SPATS2L: variants seen among roughly 807,000 people sequenced by gnomAD.
SPATS2L encodes the protein SPATS2-like protein.
Under a neutral mutation model 59.6 loss-of-function variants are expected in SPATS2L, and 30 were observed. The observed-to-expected ratio is 0.50, with a 90% CI of 0.38 to 0.68. The LOEUF is 0.68. Among genes scored for constraint, SPATS2L ranks in the 30% least tolerant of loss-of-function variants. The pLI is 0.00. For missense variants in SPATS2L, 615 were observed against 700.0 expected, an observed-to-expected ratio of 0.88 and a Z score of 1.37; for synonymous variants, 252 against 263.5, an observed-to-expected ratio of 0.96 and a Z score of 0.42.
At chr2:200,366,096 G>A (rs1056909025) in intron 2 of SPATS2L, among the ~76,000 whole-genome samples, 3 of 152,210 alleles carry the variant, frequency 2.0e-5, no homozygotes, top group Admixed American at 6.5e-5. Flanking sequence ...TTGTTGAGAT[G>A]CTAAGGAGTT....
intron 2 of SPATS2L, among the ~76,000 whole-genome samples, chr2:200,351,731 A>G (rs1001142426): frequency 6.6e-6 from 1 of 152,052 alleles, no homozygotes; most frequent in Non-Finnish European, 1.5e-5. Context: ...TGATGCAACT[A>G]TAAATCAACC....
At chr2:200,312,461 T>G (rs1043738223) in intron 1 of SPATS2L, among the ~76,000 whole-genome samples, 3 of 152,224 alleles carry the variant, frequency 2.0e-5, no homozygotes, top group Non-Finnish European at 4.4e-5. Context: ...AATACAGATT[T>G]TGGGTCAATA....
chr2:200,397,896 G>A (rs1159147123), intron 3 of SPATS2L, among the ~76,000 whole-genome samples: 3 of 152,082 alleles, frequency 2.0e-5, no homozygotes, highest in Non-Finnish European at 4.4e-5. Flanking sequence ...AAGATGAGAT[G>A]GGATTAAAAG....
At chr2:200,388,620 C>T (rs1004135629) in intron 2 of SPATS2L, among the ~76,000 whole-genome samples, 1 of 149,960 alleles carries the variant, frequency 6.7e-6, no homozygotes, top group African/African-American at 2.5e-5. Flanking sequence ...ATGCCCCCCC[C>T]CCACCCAGAA....
At chr2:200,315,750 G>A (rs1052443383) in intron 1 of SPATS2L, among the ~76,000 whole-genome samples, 3 of 151,382 alleles carry the variant, frequency 2.0e-5, no homozygotes, top group South Asian at 2.1e-4. Context: ...GGCTTTGAGG[G>A]AAGGGCATAC....
Position 200,470,006 on chromosome 2 carries a change from C to G in SPATS2L, c.1050C>G (p.Leu350=), listed in dbSNP as rs765628436. The G allele has an allele frequency of 6.2e-7, 1 of 1,608,436 alleles. No homozygotes were observed. Reference sequence around the variant, plus strand: ...AACAGCTGAAGGCCCAAATCATGCTCTGCGGAGAAAGTGAGTTTTGCATAT... The same window carrying G: ...AACAGCTGAAGGCCCAAATCATGCTGTGCGGAGAAAGTGAGTTTTGCATAT... The part of the protein sequence containing the change: ...DIEQLKAQIM[L]CGEITHPKNN... Residue 350 remains leucine (L), a synonymous_variant, in exon 11 of 13, where the codon CTC becomes CTG. Transcript: ENST00000409140.
chr2:200,369,688 G>A lies in SPATS2L; in HGVS notation c.-22-19535G>A, dbSNP rs573555001. Among the ~76,000 whole-genome samples, 162 of 152,028 alleles carry A rather than the reference G, an allele frequency of 1.1e-3. 1 individual carries two copies. The highest frequency in any genetic ancestry group is 3.8e-3 in the African/African-American group (156 of 41,496). On this transcript the variant is annotated intron_variant, in intron 2 of 12. Transcript: ENST00000409140. ...AAACAACCAAAGACATAAAAAGCTG[G>A]TAAGAAACAATCCTACAGAAAATAA...
intron 1 of SPATS2L, among the ~76,000 whole-genome samples, chr2:200,310,754 A>G (rs1465780048): frequency 6.6e-6 from 1 of 152,180 alleles, no homozygotes; most frequent in Non-Finnish European, 1.5e-5. Flanking sequence ...TGTTCCTACT[A>G]GTTGGATCTC....
At chr2:200,321,548 T>A (rs1049652727) in intron 1 of SPATS2L, among the ~76,000 whole-genome samples, 65 of 152,238 alleles carry the variant, frequency 4.3e-4, no homozygotes, top group Admixed American at 4.0e-3. Flanking sequence ...TCATAAAATA[T>A]TATTTGAAAA....
chr2:200,478,115 A>G lies in SPATS2L; in HGVS notation c.*84A>G, dbSNP rs903522307. On this transcript the variant is annotated 3_prime_UTR_variant, in exon 13 of 13. Transcript: ENST00000409140. ...CCAATTCGCTGCCAAAAGAGTGTCA[A>G]TCAGAATATACAAATCCCGTATGGT... 12 of 1,297,432 alleles carry G rather than the reference A, an allele frequency of 9.2e-6. No homozygotes were observed. The highest frequency in any genetic ancestry group is 4.4e-5 in the African/African-American group (3 of 67,452). 80.4% of individuals were successfully genotyped at this position (1,297,432 alleles called of 1,614,324 possible).
At position 200,315,267 on chromosome 2, in the gene SPATS2L, T is replaced by C. The variant is rs1210389263; in HGVS notation, c.-73+8345T>C. Among the ~76,000 whole-genome samples, 4 of 152,206 alleles carry C rather than the reference T, an allele frequency of 2.6e-5. No individual in the cohort carries two copies. In the East Asian group the frequency reaches 7.7e-4, roughly 29 times the overall value. On this transcript the variant is annotated intron_variant, in intron 1 of 12. Coordinates refer to ENST00000409140, the MANE Select transcript of SPATS2L (RefSeq NM_001100423.2). ...TTGGAGAGACAGCTTCTGAACGCTATAGCCAGGAGTTACATGTACAATGGG... is the reference window on the plus strand; with the variant it reads ...TTGGAGAGACAGCTTCTGAACGCTACAGCCAGGAGTTACATGTACAATGGG...
chr2:200,433,632 A>G (rs1187962202), intron 6 of SPATS2L, among the ~76,000 whole-genome samples: 2 of 152,086 alleles, frequency 1.3e-5, no homozygotes. Context: ...CCAATTTCCA[A>G]TATCAGGGAT....
intron 5 of SPATS2L, among the ~76,000 whole-genome samples, chr2:200,416,737 C>T (rs1253092551): frequency 6.6e-6 from 1 of 151,992 alleles, no homozygotes; most frequent in African/African-American, 2.4e-5. Flanking sequence ...CATTAACTTG[C>T]CTGAACGTAT....
intron 6 of SPATS2L, among the ~76,000 whole-genome samples, chr2:200,433,009 G>T (rs1235010773): frequency 6.6e-6 from 1 of 152,130 alleles, no homozygotes; most frequent in Non-Finnish European, 1.5e-5. Flanking sequence ...AGGAAATTTG[G>T]CAGGGAGAAG....
At chr2:200,321,986 A>G (rs1407662447) in intron 1 of SPATS2L, among the ~76,000 whole-genome samples, 1 of 152,190 alleles carries the variant, frequency 6.6e-6, no homozygotes, top group Non-Finnish European at 1.5e-5. Context: ...TCTGGCATGT[A>G]GTTCATGCCT....
At chr2:200,415,612 C>G (rs2083028059) in intron 4 of SPATS2L, among the ~76,000 whole-genome samples, 2 of 152,040 alleles carry the variant, frequency 1.3e-5, no homozygotes, top group Non-Finnish European at 2.9e-5. Context: ...TATGGAGAAA[C>G]ATGGATTGCA....
intron 2 of SPATS2L, among the ~76,000 whole-genome samples, chr2:200,333,609 G>A (rs564653625): frequency 5.3e-5 from 8 of 151,858 alleles, no homozygotes; most frequent in South Asian, 4.2e-4. Context: ...CCATTAACTC[G>A]TCATTTAACA....
chr2:200,461,912 A>G (rs543653825), intron 9 of SPATS2L, among the ~76,000 whole-genome samples: 23 of 152,358 alleles, frequency 1.5e-4, no homozygotes, highest in African/African-American at 5.5e-4. Flanking sequence ...TGTAAGCAAC[A>G]TTTTAGAATC....
chr2:200,385,818 G>A (rs1460463971), intron 2 of SPATS2L, among the ~76,000 whole-genome samples: 5 of 151,880 alleles, frequency 3.3e-5, no homozygotes, highest in Admixed American at 6.6e-5. Context: ...TCAGCCTCCC[G>A]AGTAGCTGGG....
Sources: gnomAD v4.1 joint callset for allele counts (sites outside exome capture counted in the v4.1 genomes callset) on GRCh38, gnomAD v4.1.1 for gene constraint, MANE v1.5 for transcripts, NCBI Gene and HGNC (gene_info 2026-07-23, HGNC 2026-07-21) for gene names.